DOK5: variants seen among roughly 807,000 people sequenced by gnomAD.
DOK5 encodes docking protein 5.
A neutral mutation model predicts 43.3 loss-of-function variants in DOK5; 27 were observed. That is an observed-to-expected ratio of 0.62 (90% confidence interval 0.46 to 0.86). The LOEUF (loss-of-function observed/expected upper bound fraction) is 0.86. Ranked by LOEUF, DOK5 falls within the 40% of genes least tolerant of loss-of-function variation. DOK5 has a pLI of 0.00. For synonymous variants in DOK5, 146 were observed against 140.1 expected (o/e 1.04, Z -0.30); for missense variants, 373 against 392.9 (o/e 0.95, Z 0.43).
intron 2 of DOK5, 31 bp from the exon 3 acceptor site, chr20:54,588,452 G>A (rs756834351): frequency 4.4e-6 from 7 of 1,576,026 alleles, no homozygotes; most frequent in Admixed American, 1.7e-5. Flanking sequence ...CATTCAGGGA[G>A]TGTGTCAAAC....
At chr20:54,607,031 A>G (rs1986492425) in intron 5 of DOK5, among the ~76,000 whole-genome samples, 1 of 152,254 alleles carries the variant, frequency 6.6e-6, no homozygotes, top group South Asian at 2.1e-4. Context: ...TATAAAATTC[A>G]GGTGACTTCA....
chr20:54,524,653 C>A (rs1983520940), intron 1 of DOK5, among the ~76,000 whole-genome samples: 1 of 152,236 alleles, frequency 6.6e-6, no homozygotes, highest in Non-Finnish European at 1.5e-5. Flanking sequence ...CCCAAAGTCA[C>A]ACAGTAGAAG....
intron 1 of DOK5, among the ~76,000 whole-genome samples, chr20:54,522,322 T>C (rs1251404142): frequency 6.6e-6 from 1 of 152,204 alleles, no homozygotes; most frequent in African/African-American, 2.4e-5. Context: ...GGTCGCAGGT[T>C]AGACAAGCTT....
intron 1 of DOK5, among the ~76,000 whole-genome samples, chr20:54,523,715 C>T (rs1441519812): frequency 6.6e-6 from 1 of 152,040 alleles, no homozygotes; most frequent in Non-Finnish European, 1.5e-5. Flanking sequence ...AAGCAATTCT[C>T]CTGCCTCAGC....
At chr20:54,487,547 G>A (rs1281296855) in intron 1 of DOK5, among the ~76,000 whole-genome samples, 3 of 152,150 alleles carry the variant, frequency 2.0e-5, no homozygotes, top group South Asian at 2.1e-4. Flanking sequence ...GTACACAGAC[G>A]CAGTGCAAAT....
At chr20:54,555,685 G>C (rs367613023) in intron 2 of DOK5, 1 of 152,114 alleles carries the variant, frequency 6.6e-6, no homozygotes, top group African/African-American at 2.4e-5. Flanking sequence ...TCATGAAAAC[G>C]TGTGAAAGCA....
chr20:54,497,622 GA>G (rs1284782921), intron 1 of DOK5, among the ~76,000 whole-genome samples: 2 of 152,018 alleles, frequency 1.3e-5, no homozygotes, highest in Admixed American at 6.6e-5. Context: ...GGAGTAGGAG[GA>G]AAAAAGTGAG....
At position 54,643,494 on chromosome 20, in the gene DOK5, AG is replaced by A; in HGVS notation, c.773del (p.Ser258ThrfsTer34). The A allele has an allele frequency of 1.2e-6, 2 of 1,613,734 alleles. No homozygotes were observed. The highest frequency in any genetic ancestry group is 1.7e-6 in the Non-Finnish European group (2 of 1,180,042). ...GATGAGTGAGCGGGCCGCCTCGCTG[AG>A]CACCATGGTGCCCCTGCCTCGCAGC... is the stretch of plus-strand genomic sequence containing the variant. ...MKMSERAASL[S>X]TMVPLPRSAY... On this transcript the variant is annotated frameshift_variant, in exon 7 of 8. Coordinates refer to ENST00000262593, the MANE Select transcript of DOK5 (RefSeq NM_018431.5). LOFTEE classifies it high-confidence loss of function.
intron 1 of DOK5, among the ~76,000 whole-genome samples, chr20:54,511,809 G>A (rs903279990): frequency 1.3e-5 from 2 of 152,190 alleles, no homozygotes; most frequent in African/African-American, 4.8e-5. Context: ...GACTGCAGCA[G>A]TTTTAAAACT....
chr20:54,503,050 G>A (rs1316361620), intron 1 of DOK5, among the ~76,000 whole-genome samples: 1 of 152,148 alleles, frequency 6.6e-6, no homozygotes, highest in Non-Finnish European at 1.5e-5. Context: ...GTGGGGGTAA[G>A]ACTGTATATT....
In DOK5 at chr20:54,615,393, G is replaced by A. The variant is rs537694175; in HGVS notation, c.735+4870G>A. On this transcript the variant is annotated intron_variant, in intron 6 of 7. Transcript: ENST00000262593. ...GTGATCGAGTTAAGGATCCTGAGAT[G>A]GCGACAGTATCCTGGTCTATCCAGG... Among the ~76,000 whole-genome samples the A allele has an allele frequency of 2.6e-5, 4 of 152,244 alleles. No individual in the cohort carries two copies. In the South Asian group the frequency reaches 6.2e-4, roughly 24 times the overall value.
At chr20:54,505,267 A>C (rs1982762224) in intron 1 of DOK5, among the ~76,000 whole-genome samples, 1 of 152,026 alleles carries the variant, frequency 6.6e-6, no homozygotes, top group South Asian at 2.1e-4. Context: ...TTGTTTTTGC[A>C]AATAAACTTT....
At chr20:54,597,200 A>G (rs1843986580) in intron 5 of DOK5, among the ~76,000 whole-genome samples, 2 of 152,184 alleles carry the variant, frequency 1.3e-5, no homozygotes, top group Admixed American at 1.3e-4. Flanking sequence ...TGACATTTGC[A>G]CTCACAATAG....
At chr20:54,506,868 C>G (rs1217920270) in intron 1 of DOK5, among the ~76,000 whole-genome samples, 1 of 152,182 alleles carries the variant, frequency 6.6e-6, no homozygotes, top group African/African-American at 2.4e-5. Flanking sequence ...CGATCATACG[C>G]GAGGTCACTG....
intron 2 of DOK5, among the ~76,000 whole-genome samples, chr20:54,588,013 TCCTTC>T (rs1555833830): frequency 6.6e-6 from 1 of 152,186 alleles, no homozygotes; most frequent in Non-Finnish European, 1.5e-5. Context: ...GGACCACTCT[TCCTTC>T]CCTTCCCTTC....
At chr20:54,522,177 C>G (rs1454565753) in intron 1 of DOK5, among the ~76,000 whole-genome samples, 2 of 152,100 alleles carry the variant, frequency 1.3e-5, no homozygotes, top group Non-Finnish European at 2.9e-5. Flanking sequence ...TGGGCCACAC[C>G]TAAAACACAC....
At position 54,592,080 on chromosome 20, in the gene DOK5, G is replaced by A. The variant is rs181251426; in HGVS notation, c.599+275G>A. Among the ~76,000 whole-genome samples, 3 of 152,306 alleles carry A rather than the reference G, an allele frequency of 2.0e-5. No homozygotes were observed. In the East Asian group the frequency reaches 5.8e-4, roughly 29 times the overall value. On this transcript the variant is annotated intron_variant, in intron 5 of 7. Coordinates refer to ENST00000262593, the MANE Select transcript of DOK5 (RefSeq NM_018431.5). ...GTTTGATTCCATATCACAAACTGAAGTTGATCCAGGTAAAAATGTTAAAAA... is the reference window on the plus strand; with the variant it reads ...GTTTGATTCCATATCACAAACTGAAATTGATCCAGGTAAAAATGTTAAAAA...
At chr20:54,573,544 G>T (rs1009902861) in intron 2 of DOK5, among the ~76,000 whole-genome samples, 1 of 151,858 alleles carries the variant, frequency 6.6e-6, no homozygotes, top group Non-Finnish European at 1.5e-5. Context: ...AAAATTAGCT[G>T]GGTGTGGTGG....
Position 54,610,544 on chromosome 20 carries a change from T to A in DOK5, c.735+21T>A, listed in dbSNP as rs780895213. ...CGATGGTACGTTTGGAATTTCTTCCTCGTGTCCCAGTGCCTATCACTGCAG... is the reference window on the plus strand; with the variant it reads ...CGATGGTACGTTTGGAATTTCTTCCACGTGTCCCAGTGCCTATCACTGCAG... On this transcript the variant is annotated intron_variant, in intron 6 of 7. Coordinates refer to ENST00000262593, the MANE Select transcript of DOK5 (RefSeq NM_018431.5). 26 of 1,455,956 alleles carry A rather than the reference T, an allele frequency of 1.8e-5. 1 individual carries two copies. In the South Asian group the frequency reaches 4.0e-4, roughly 22 times the overall value. 90.2% of individuals were successfully genotyped at this position (1,455,956 alleles called of 1,614,324 possible).
Sources: allele counts gnomAD v4.1 joint callset (sites outside exome capture counted in the v4.1 genomes callset), GRCh38; gene constraint gnomAD v4.1.1; transcripts MANE v1.5; gene names NCBI Gene and HGNC (gene_info 2026-07-23, HGNC 2026-07-21).